CHST9: variants seen among roughly 807,000 people sequenced by gnomAD.
CHST9 encodes carbohydrate sulfotransferase 9.
Under a neutral mutation model 44.4 loss-of-function variants are expected in CHST9, and 41 were observed. That is an observed-to-expected ratio of 0.92 (90% confidence interval 0.72 to 1.20). CHST9 has a LOEUF of 1.20. CHST9 is among the 50% of genes most tolerant of loss of function. The pLI is 0.00. For synonymous variants in CHST9, 171 were observed against 178.4 expected (o/e 0.96, Z 0.33); for missense variants, 504 against 516.5 (o/e 0.98, Z 0.23).
chr18:27,004,756 A>G (rs538676921), intron 4 of CHST9, among the ~76,000 whole-genome samples: 39 of 152,292 alleles, frequency 2.6e-4, no homozygotes, highest in Non-Finnish European at 2.9e-5. Flanking sequence ...AATTTATTTT[A>G]ATTAGGCAGA....
At chr18:26,994,595 C>T (rs908183682) in intron 4 of CHST9, among the ~76,000 whole-genome samples, 10 of 151,760 alleles carry the variant, frequency 6.6e-5, no homozygotes, top group South Asian at 2.1e-4. Flanking sequence ...TCTTTTTTTG[C>T]GGGGCTGGGG....
chr18:27,113,374 A>G (rs2058291553), intron 2 of CHST9, among the ~76,000 whole-genome samples: 1 of 152,028 alleles, frequency 6.6e-6, no homozygotes, highest in South Asian at 2.1e-4. Flanking sequence ...ATTTGTTTTT[A>G]TTTCTCAGTA....
intron 4 of CHST9, among the ~76,000 whole-genome samples, chr18:27,017,241 T>C (rs2057165739): frequency 6.6e-6 from 1 of 152,226 alleles, no homozygotes; most frequent in South Asian, 2.1e-4. Context: ...TGACTTATGA[T>C]GGGCTTCTTG....
chr18:27,046,033 CA>C (rs2057496094), intron 3 of CHST9, among the ~76,000 whole-genome samples: 1 of 152,024 alleles, frequency 6.6e-6, no homozygotes, highest in African/African-American at 2.4e-5. Flanking sequence ...AGAGCCATTT[CA>C]ATTAAGTGAA....
intron 2 of CHST9, among the ~76,000 whole-genome samples, chr18:27,100,706 A>G (rs1238239187): frequency 6.6e-6 from 1 of 152,274 alleles, no homozygotes; most frequent in African/African-American, 2.4e-5. Context: ...GAGCTCAGTC[A>G]TGACTAGAAT....
chr18:26,958,113 C>T lies in CHST9; in HGVS notation c.203-13747G>A, dbSNP rs149178343. Among the ~76,000 whole-genome samples, 114 of 149,796 alleles carry T rather than the reference C, an allele frequency of 7.6e-4. No homozygotes were observed. The East Asian group carries it at 0.016, about 21-fold the overall frequency. On this transcript the variant is annotated intron_variant, in intron 4 of 5. Coordinates refer to ENST00000618847, the MANE Select transcript of CHST9 (RefSeq NM_031422.6). ...GTCAGTCAGGCTGGTCTTGAACTCC[C>T]GACCTCAGGTGATCCACCTACCTTG...
At chr18:27,148,637 T>G (rs2143890256) in intron 1 of CHST9, among the ~76,000 whole-genome samples, 1 of 151,230 alleles carries the variant, frequency 6.6e-6, no homozygotes, top group Middle Eastern at 3.4e-3. Flanking sequence ...TGTGCCACAT[T>G]TTCTTAATCC....
intron 3 of CHST9, among the ~76,000 whole-genome samples, chr18:27,026,075 G>A (rs2057282049): frequency 6.6e-6 from 1 of 152,118 alleles, no homozygotes; most frequent in Non-Finnish European, 1.5e-5. Flanking sequence ...TAACAATCAA[G>A]TCATTTCCTT....
At chr18:27,055,621 T>TA (rs1019207400) in intron 2 of CHST9, among the ~76,000 whole-genome samples, 21 of 152,088 alleles carry the variant, frequency 1.4e-4, no homozygotes, top group African/African-American at 5.1e-4. Flanking sequence ...ACAATAATAG[T>TA]AAAAAAATGC....
At chr18:27,113,190 G>GA (rs34392939) in intron 2 of CHST9, among the ~76,000 whole-genome samples, 71 of 133,690 alleles carry the variant, frequency 5.3e-4, no homozygotes, top group Admixed American at 6.8e-4. Context: ...CTCCATCTCA[G>GA]AAAAAAAAAA....
intron 3 of CHST9, among the ~76,000 whole-genome samples, chr18:27,028,812 T>G (rs1471998977): frequency 1.3e-5 from 2 of 152,134 alleles, no homozygotes; most frequent in Non-Finnish European, 2.9e-5. Flanking sequence ...CCTCCCAAAG[T>G]GCTGGGATTA....
chr18:27,022,079 T>A (rs2057233250), intron 4 of CHST9, among the ~76,000 whole-genome samples: 1 of 152,230 alleles, frequency 6.6e-6, no homozygotes, highest in African/African-American at 2.4e-5. Flanking sequence ...ACATGTGTTA[T>A]GAAGTTCTCT....
chr18:27,123,189 G>A (rs2058389868), intron 2 of CHST9, among the ~76,000 whole-genome samples: 1 of 152,162 alleles, frequency 6.6e-6, no homozygotes, highest in African/African-American at 2.4e-5. Context: ...CAGAAACAGG[G>A]AAAATGACCA....
At chr18:27,088,672 G>A (rs1481880769) in intron 2 of CHST9, among the ~76,000 whole-genome samples, 5 of 152,262 alleles carry the variant, frequency 3.3e-5, no homozygotes, top group Middle Eastern at 3.4e-3. Context: ...GATTATAGGT[G>A]TGAGCCACTG....
intron 2 of CHST9, among the ~76,000 whole-genome samples, chr18:27,125,757 C>T (rs954689337): frequency 1.3e-5 from 2 of 152,110 alleles, no homozygotes; most frequent in African/African-American, 2.4e-5. Context: ...AGAAGATAGC[C>T]GTCAATGTCA....
At chr18:27,167,555 A>C (rs1348882516) in intron 1 of CHST9, among the ~76,000 whole-genome samples, 2 of 152,264 alleles carry the variant, frequency 1.3e-5, no homozygotes, top group African/African-American at 2.4e-5. Context: ...TTTAGTTGTC[A>C]TTCATCAAAT....
At chr18:27,165,400 C>T (rs2058782459) in intron 1 of CHST9, among the ~76,000 whole-genome samples, 1 of 152,152 alleles carries the variant, frequency 6.6e-6, no homozygotes, top group South Asian at 2.1e-4. Flanking sequence ...AAAATGGCAT[C>T]ACTATAATGG....
chr18:27,089,529 T>C (rs1330363383), intron 2 of CHST9, among the ~76,000 whole-genome samples: 1 of 152,144 alleles, frequency 6.6e-6, no homozygotes, highest in Non-Finnish European at 1.5e-5. Flanking sequence ...CTTAATCCAG[T>C]CTATCATTGA....
intron 3 of CHST9, among the ~76,000 whole-genome samples, chr18:27,034,122 A>G (rs1241514785): frequency 6.6e-6 from 1 of 152,220 alleles, no homozygotes; most frequent in Non-Finnish European, 1.5e-5. Flanking sequence ...AATTTAAGAT[A>G]AATAAAATAG....
Sources: gnomAD v4.1 joint callset for allele counts (sites outside exome capture counted in the v4.1 genomes callset) on GRCh38, gnomAD v4.1.1 for gene constraint, MANE v1.5 for transcripts, NCBI Gene and HGNC (gene_info 2026-07-23, HGNC 2026-07-21) for gene names.